The following HSPA4L variants were observed in gnomAD, a reference collection of about 807,000 sequenced individuals.
HSPA4L encodes the protein heat shock 70 kDa protein 4L.
A neutral mutation model predicts 100.3 loss-of-function variants in HSPA4L; 48 were observed. The ratio of observed to expected loss-of-function variants is 0.48; its 90% confidence interval spans 0.38 to 0.61. The LOEUF (loss-of-function observed/expected upper bound fraction) is 0.61, where lower values mean the gene tolerates loss of function less well. HSPA4L is among the 20% of genes least tolerant of loss of function. HSPA4L has a pLI of 0.00. For synonymous variants in HSPA4L, 319 were observed against 328.2 expected, an observed-to-expected ratio of 0.97 and a Z score of 0.30; for missense variants, 886 against 988.6, an observed-to-expected ratio of 0.90 and a Z score of 1.39.
chr4:127,826,860 T>C (rs1459611036), intron 16 of HSPA4L, among the ~76,000 whole-genome samples: 2 of 152,154 alleles, frequency 1.3e-5, no homozygotes, highest in Non-Finnish European at 2.9e-5. Context: ...ATTAAATGTA[T>C]AAATAATATT....
intron 16 of HSPA4L, among the ~76,000 whole-genome samples, chr4:127,824,341 T>G (rs1733890304): frequency 6.6e-6 from 1 of 152,234 alleles, no homozygotes; most frequent in Non-Finnish European, 1.5e-5. Context: ...GATTTTATTT[T>G]CTTTGGATAG....
At chr4:127,809,692 C>T (rs1353318872) in intron 11 of HSPA4L, among the ~76,000 whole-genome samples, 1 of 152,166 alleles carries the variant, frequency 6.6e-6, no homozygotes, top group Non-Finnish European at 1.5e-5. Flanking sequence ...TGTACCGTAA[C>T]TGTAACTTTT....
chr4:127,811,673 A>G, intron 12 of HSPA4L, 37 bp downstream of exon 12: 1 of 1,422,964 alleles, frequency 7.0e-7, no homozygotes, highest in Non-Finnish European at 9.8e-7. Context: ...CTTGTAATAG[A>G]TAGTGTATAC....
chr4:127,801,223 A>G lies in HSPA4L; in HGVS notation c.515A>G (p.Asn172Ser). 2 of 1,610,128 alleles carry G rather than the reference A, an allele frequency of 1.2e-6. No homozygotes were observed. The highest frequency in any genetic ancestry group is 1.7e-6 in the Non-Finnish European group (2 of 1,177,712). Residue 172 changes from asparagine to serine, a missense_variant, in exon 5 of 19, where the codon AAT becomes AGT. Physicochemically the swap from Asn to Ser is conservative, Grantham distance 46. Coordinates refer to ENST00000296464, the MANE Select transcript of HSPA4L (RefSeq NM_014278.4). Reference protein sequence around the residue: ...VAGLNCLRLMNETTAVALAYG... With the variant: ...VAGLNCLRLMSETTAVALAYG... ...GGCTTAAATTGTTTAAGGTTGATGA[A>G]TGAAACTACTGCAGGTGAGCACTTT...
At chr4:127,826,388 CCCT>C (rs1560670998) in intron 16 of HSPA4L, among the ~76,000 whole-genome samples, 1 of 151,978 alleles carries the variant, frequency 6.6e-6, no homozygotes, top group Admixed American at 6.6e-5. Flanking sequence ...CAGAGCAAGA[CCCT>C]GTCCCAATGG....
chr4:127,792,179 T>G (rs569343957), intron 1 of HSPA4L, among the ~76,000 whole-genome samples: 2 of 152,320 alleles, frequency 1.3e-5, no homozygotes, highest in Admixed American at 1.3e-4. Context: ...GAATCCTCAT[T>G]GAAATTTAAT....
At chr4:127,825,783 G>A (rs183924777) in intron 16 of HSPA4L, among the ~76,000 whole-genome samples, 93 of 151,904 alleles carry the variant, frequency 6.1e-4, no homozygotes, top group East Asian at 9.7e-4. Flanking sequence ...AAAATTAGCC[G>A]GGCATGGTGG....
At chr4:127,815,288 G>A (rs989608400) in intron 12 of HSPA4L, among the ~76,000 whole-genome samples, 1 of 152,080 alleles carries the variant, frequency 6.6e-6, no homozygotes, top group Non-Finnish European at 1.5e-5. Context: ...CACCTCTCTT[G>A]TAGGTATAAT....
intron 5 of HSPA4L, among the ~76,000 whole-genome samples, 188 bp from the exon 6 acceptor site, chr4:127,801,595 CAG>C (rs1329948175): frequency 6.6e-6 from 1 of 151,390 alleles, no homozygotes; most frequent in Non-Finnish European, 1.5e-5. Context: ...TTTACTATTA[CAG>C]AGTTATAGAT....
At chr4:127,802,850 A>G (rs1733230454) in intron 6 of HSPA4L, among the ~76,000 whole-genome samples, 1 of 152,154 alleles carries the variant, frequency 6.6e-6, no homozygotes, top group Non-Finnish European at 1.5e-5. Context: ...TTGTACTCAT[A>G]TCCTCCTGTG....
At chr4:127,803,083 T>C (rs1733238780) in intron 6 of HSPA4L, among the ~76,000 whole-genome samples, 1 of 152,198 alleles carries the variant, frequency 6.6e-6, no homozygotes, top group African/African-American at 2.4e-5. Context: ...GTTACATTGT[T>C]ACCTGGTTTT....
chr4:127,827,569 T>C (rs1733978993), intron 17 of HSPA4L, 145 bp downstream of exon 17: 1 of 802,128 alleles, frequency 1.2e-6, no homozygotes, highest in African/African-American at 1.7e-5. Context: ...TAAAACTTTT[T>C]TTTTTATTGG....
chr4:127,782,215 G>A (rs1732572337), upstream of HSPA4L: 1 of 396,946 alleles, frequency 2.5e-6, no homozygotes, highest in Non-Finnish European at 4.9e-6. Flanking sequence ...GCCGAAGTCC[G>A]GGCCCGGAGC....
In HSPA4L at chr4:127,811,168, A is replaced by C. The variant is rs185513067; in HGVS notation, c.1379-269A>C. ...CTTTGAATCAAATTGTCCATGGTTAAATTCCCAGTGCTTTTTTTTTTTTTT... is the reference window on the plus strand; with the variant it reads ...CTTTGAATCAAATTGTCCATGGTTACATTCCCAGTGCTTTTTTTTTTTTTT... On this transcript the variant is annotated intron_variant, in intron 11 of 18. Transcript: ENST00000296464. 3.6e-5 allele frequency among the ~76,000 whole-genome samples: 5 copies of C among 138,482 alleles called. No homozygotes were observed. The East Asian group carries it at 1.0e-3, about 28-fold the overall frequency. 90.8% of individuals were successfully genotyped at this position (138,482 alleles called of 152,430 possible).
chr4:127,802,204 GGTT>G (rs1424727976), intron 6 of HSPA4L, among the ~76,000 whole-genome samples: 1 of 152,036 alleles, frequency 6.6e-6, no homozygotes, highest in Non-Finnish European at 1.5e-5. Flanking sequence ...TCTATTGTTA[GGTT>G]GTTAAGTCAT....
intron 14 of HSPA4L, among the ~76,000 whole-genome samples, chr4:127,821,932 G>A (rs1733824129): frequency 6.6e-6 from 1 of 152,056 alleles, no homozygotes; most frequent in South Asian, 2.1e-4. Context: ...CATAGGCTAT[G>A]TTTTCTTTTG....
intron 18 of HSPA4L, among the ~76,000 whole-genome samples, chr4:127,831,878 T>C (rs1321013776): frequency 6.6e-6 from 1 of 151,984 alleles, no homozygotes; most frequent in Non-Finnish European, 1.5e-5. Context: ...CAAAAGCTGG[T>C]ATTTTTTATA....
At chr4:127,816,739 G>T (rs1482071566) in intron 12 of HSPA4L, among the ~76,000 whole-genome samples, 3 of 152,182 alleles carry the variant, frequency 2.0e-5, no homozygotes, top group Admixed American at 6.5e-5. Context: ...GAGTGATATT[G>T]TATAGAAATA....
Position 127,818,346 on chromosome 4 carries a change from G to GAA in HSPA4L, c.1601_1602dup (p.Glu535LysfsTer35). On this transcript the variant is annotated frameshift_variant, in exon 13 of 19. Coordinates refer to ENST00000296464, the MANE Select transcript of HSPA4L (RefSeq NM_014278.4). LOFTEE classifies it high-confidence loss of function. ...CTAGGATAAAATGCAGGTTGATCAA[G>GAA]AAGAAGGGCATCAAAAATGTCATGC... 6.2e-7 allele frequency: 1 copy of GAA among 1,611,338 alleles called. No individual in the cohort carries two copies.
Sources: gnomAD v4.1 joint callset for allele counts (sites outside exome capture counted in the v4.1 genomes callset) on GRCh38, gnomAD v4.1.1 for gene constraint, MANE v1.5 for transcripts, NCBI Gene and HGNC (gene_info 2026-07-23, HGNC 2026-07-21) for gene names.